The following FGF12 variants were observed in gnomAD, a reference collection of about 807,000 sequenced individuals.
The protein encoded by FGF12 is fibroblast growth factor 12, also known as fibroblast growth factor 12B.
In FGF12, 14 loss-of-function variants were observed where a neutral mutation model predicts 23.6. That is an observed-to-expected ratio of 0.59 (90% confidence interval 0.39 to 0.93). The LOEUF (loss-of-function observed/expected upper bound fraction) is 0.93. FGF12 is among the 40% of genes least tolerant of loss of function. FGF12 has a pLI of 0.00. For synonymous variants in FGF12, 62 were observed against 77.3 expected, an observed-to-expected ratio of 0.80 and a Z score of 1.04; for missense variants, 175 against 217.8, an observed-to-expected ratio of 0.80 and a Z score of 1.24.
At chr3:192,656,708 G>T (rs1240936030) in intron 2 of FGF12, among the ~76,000 whole-genome samples, 5 of 152,134 alleles carry the variant, frequency 3.3e-5, no homozygotes, top group Non-Finnish European at 7.3e-5. Context: ...TCTCTCCAAT[G>T]TTGACAGTCT....
At chr3:192,686,598 G>C (rs1447194964) in intron 2 of FGF12, among the ~76,000 whole-genome samples, 3 of 151,868 alleles carry the variant, frequency 2.0e-5, no homozygotes, top group African/African-American at 7.3e-5. Flanking sequence ...GTATTTCCTT[G>C]ACTCAGGTAT....
At chr3:192,337,023 A>C (rs933415678) in intron 3 of FGF12, among the ~76,000 whole-genome samples, 2 of 152,134 alleles carry the variant, frequency 1.3e-5, no homozygotes, top group South Asian at 4.1e-4. Flanking sequence ...TGTTGGCTCA[A>C]TTTAGATTTG....
chr3:192,457,039 T>G (rs1722702799), intron 2 of FGF12, among the ~76,000 whole-genome samples: 1 of 152,184 alleles, frequency 6.6e-6, no homozygotes, highest in Non-Finnish European at 1.5e-5. Context: ...TCATGAGATC[T>G]GTTGGTTTTA....
intron 2 of FGF12, among the ~76,000 whole-genome samples, chr3:192,382,230 G>A (rs116531440): frequency 2.6e-3 from 390 of 152,150 alleles, no homozygotes; most frequent in African/African-American, 9.1e-3. Context: ...TCTCGACCAC[G>A]TGATCCACTC....
At chr3:192,535,310 T>C (rs1397147899) in intron 2 of FGF12, among the ~76,000 whole-genome samples, 1 of 152,158 alleles carries the variant, frequency 6.6e-6, no homozygotes, top group Non-Finnish European at 1.5e-5. Flanking sequence ...CATATATCCA[T>C]AGGGAAAAAA....
At chr3:192,502,989 A>G (rs1724176326) in intron 2 of FGF12, among the ~76,000 whole-genome samples, 1 of 152,224 alleles carries the variant, frequency 6.6e-6, no homozygotes, top group Admixed American at 6.5e-5. Context: ...AAAGACCCAC[A>G]GTCTGTTTTT....
intron 3 of FGF12, among the ~76,000 whole-genome samples, chr3:192,358,475 T>G (rs1263724752): frequency 4.0e-5 from 1 of 24,692 alleles, no homozygotes; most frequent in Non-Finnish European, 5.8e-5. Context: ...TGCCCTATGG[T>G]GTGTGTGTGT....
intron 2 of FGF12, among the ~76,000 whole-genome samples, chr3:192,381,403 C>T (rs563250128): frequency 1.6e-4 from 25 of 152,344 alleles, no homozygotes; most frequent in African/African-American, 5.5e-4. Flanking sequence ...CTTGATCTTT[C>T]CTTCCACCAA....
intron 2 of FGF12, among the ~76,000 whole-genome samples, chr3:192,541,193 T>A (rs1355833031): frequency 6.6e-6 from 1 of 152,204 alleles, no homozygotes; most frequent in Admixed American, 6.5e-5. Flanking sequence ...GTTTGTGGTC[T>A]TCTCTTCCTT....
intron 4 of FGF12, chr3:192,282,908 C>T (rs1445966146): frequency 1.3e-5 from 2 of 151,864 alleles, no homozygotes; most frequent in Admixed American, 1.3e-4. Context: ...TAATTTCTGC[C>T]CATGAGGTAA....
intron 2 of FGF12, among the ~76,000 whole-genome samples, chr3:192,461,925 G>A (rs1028018105): frequency 8.6e-5 from 13 of 151,946 alleles, no homozygotes; most frequent in African/African-American, 2.9e-4. Context: ...GGGAGGTGGA[G>A]GTTGCAGTGA....
intron 2 of FGF12, among the ~76,000 whole-genome samples, chr3:192,723,862 T>TGAGA (rs1285375793): frequency 8.9e-5 from 10 of 111,844 alleles, no homozygotes; most frequent in East Asian, 5.4e-4. Context: ...TGTGTGTGTG[T>TGAGA]GAGAGAGAGA....
chr3:192,493,924 G>T (rs372301297), intron 2 of FGF12, among the ~76,000 whole-genome samples: 1 of 150,984 alleles, frequency 6.6e-6, no homozygotes, highest in African/African-American at 2.5e-5. Context: ...ATCACAGGAT[G>T]ATTTTTTTCT....
At chr3:192,473,976 G>A (rs535825175) in intron 2 of FGF12, among the ~76,000 whole-genome samples, 6 of 152,264 alleles carry the variant, frequency 3.9e-5, no homozygotes, top group East Asian at 1.9e-4. Flanking sequence ...GCCCTGAAGC[G>A]CTCATGGTGT....
At chr3:192,453,129 T>C (rs574326275) in intron 2 of FGF12, among the ~76,000 whole-genome samples, 46 of 152,314 alleles carry the variant, frequency 3.0e-4, no homozygotes, top group South Asian at 2.5e-3. Context: ...CTTCCTTCTC[T>C]GCATTATTAT....
At chr3:192,407,659 G>A (rs926182764) in intron 2 of FGF12, among the ~76,000 whole-genome samples, 28 of 151,992 alleles carry the variant, frequency 1.8e-4, no homozygotes, top group Admixed American at 1.6e-3. Flanking sequence ...ATGCATGGAC[G>A]GATAGATGCA....
intron 5 of FGF12, 33 bp from the exon 6 acceptor site, chr3:192,144,160 C>T (rs202126500): frequency 4.9e-5 from 63 of 1,275,326 alleles, no homozygotes; most frequent in Middle Eastern, 3.8e-4. Context: ...TTACTTATGA[C>T]AGTGGACATA....
chr3:192,348,335 A>G (rs1718058973), intron 3 of FGF12, among the ~76,000 whole-genome samples: 1 of 152,182 alleles, frequency 6.6e-6, no homozygotes. Context: ...GCTGCTGAAT[A>G]ATACATGAAA....
At chr3:192,190,815 G>A (rs1716753356) in intron 4 of FGF12, among the ~76,000 whole-genome samples, 2 of 152,110 alleles carry the variant, frequency 1.3e-5, no homozygotes, top group African/African-American at 4.8e-5. Context: ...ATCTCAATAG[G>A]TCAACATCTC....
Sources: allele counts gnomAD v4.1 joint callset (sites outside exome capture counted in the v4.1 genomes callset), GRCh38; gene constraint gnomAD v4.1.1; transcripts MANE v1.5; gene names NCBI Gene and HGNC (gene_info 2026-07-23, HGNC 2026-07-21).